The following ENKUR variants were observed in gnomAD, a reference collection of about 807,000 sequenced individuals.
ENKUR encodes the protein enkurin, TRPC channel interacting protein, also known as enkurin.
ENKUR carries 19 observed loss-of-function variants against 27.6 expected under a neutral mutation model. That is an observed-to-expected ratio of 0.69 (90% CI 0.48 to 1.01). ENKUR has a LOEUF of 1.01. ENKUR is among the 50% of genes least tolerant of loss of function. The probability of loss-of-function intolerance (pLI) is 0.00; values close to 1 mark genes in which losing one functional copy is unlikely to be tolerated. For synonymous variants in ENKUR, 117 were observed against 96.9 expected (o/e 1.21, Z -1.22); for missense variants, 312 against 310.5 (o/e 1.00, Z -0.04).
At chr10:25,008,806 C>T (rs376544949) in intron 1 of ENKUR, among the ~76,000 whole-genome samples, 10 of 152,136 alleles carry the variant, frequency 6.6e-5, no homozygotes, top group Non-Finnish European at 1.2e-4. Flanking sequence ...CACATGCACA[C>T]GTATGTTTAT....
At chr10:24,986,481 A>G (rs1339943694) in intron 4 of ENKUR, among the ~76,000 whole-genome samples, 1 of 152,242 alleles carries the variant, frequency 6.6e-6, no homozygotes, top group East Asian at 1.9e-4. Flanking sequence ...GAAGCCCTCA[A>G]AAGAATTCTA....
At chr10:25,038,715 C>A (rs1413599730) in intron 2 of ENKUR, among the ~76,000 whole-genome samples, 1 of 152,118 alleles carries the variant, frequency 6.6e-6, no homozygotes, top group Non-Finnish European at 1.5e-5. Context: ...TCCCTACAAC[C>A]CTGTTTTAGG....
chr10:25,054,920 C>T (rs896154166), intron 2 of ENKUR, among the ~76,000 whole-genome samples: 2 of 152,102 alleles, frequency 1.3e-5, no homozygotes, highest in Non-Finnish European at 2.9e-5. Flanking sequence ...AGAGATCTGC[C>T]TGCCTTGGTT....
chr10:24,990,651 G>T, intron 3 of ENKUR, 42 bp from the exon 4 acceptor site: 1 of 1,560,634 alleles, frequency 6.4e-7, no homozygotes, highest in South Asian at 1.2e-5. Flanking sequence ...TATTTTGTAT[G>T]CAATCTTACA....
intron 2 of ENKUR, among the ~76,000 whole-genome samples, chr10:25,054,226 G>C (rs1243510960): frequency 6.6e-6 from 1 of 152,134 alleles, no homozygotes; most frequent in African/African-American, 2.4e-5. Context: ...TTTGAGACCA[G>C]CCTGGCCAAC....
At chr10:25,028,460 A>T (rs1166313022) in intron 2 of ENKUR, among the ~76,000 whole-genome samples, 1 of 151,998 alleles carries the variant, frequency 6.6e-6, no homozygotes. Context: ...CTTGGATCCT[A>T]TTCCCTTCAA....
In ENKUR at chr10:24,984,889, C is replaced by T. The variant is rs1849748486; in HGVS notation, c.611G>A (p.Trp204Ter). 2 of 1,612,464 alleles carry T rather than the reference C, an allele frequency of 1.2e-6. No individual in the cohort carries two copies. Among genetic ancestry groups the T allele is most frequent in the East Asian group, 4.5e-5 (2 of 44,812 alleles). ...EAVLQGLKKN[W>*]EEVHKEFQSL... ...CTGGAATTCTTTATGCACCTCTTCC[C>T]AGTTCTTTTTCAGCCCCTGCAAATG... is the stretch of plus-strand genomic sequence containing the variant. Residue 204 changes from tryptophan to a stop codon, truncating the protein, a stop_gained, in exon 5 of 6, where the codon TGG becomes TAG. Transcript: ENST00000331161. LOFTEE classifies it high-confidence loss of function.
At position 24,982,773 on chromosome 10, in the gene ENKUR, G is replaced by C. The variant is rs964069069; in HGVS notation, c.*1597C>G. Reference sequence around the variant, plus strand: ...GGGAATGTTTCCCTCTGAAGGCTCTGTGAAAGAAAGGCAACAATGTTCATC... The same window carrying C: ...GGGAATGTTTCCCTCTGAAGGCTCTCTGAAAGAAAGGCAACAATGTTCATC... On this transcript the variant is annotated 3_prime_UTR_variant, in exon 6 of 6. Coordinates refer to ENST00000331161, the MANE Select transcript of ENKUR (RefSeq NM_145010.4). 2 of 152,178 alleles carry C rather than the reference G, an allele frequency of 1.3e-5. No homozygotes were observed. Among genetic ancestry groups the C allele is most frequent in the Admixed American group, 1.3e-4 (2 of 15,272 alleles). The allele number at this position is 152,178 out of a possible 1,614,324, so 9.4% of individuals were successfully genotyped here.
chr10:24,997,024 C>T (rs543280586), intron 2 of ENKUR, among the ~76,000 whole-genome samples: 109 of 152,252 alleles, frequency 7.2e-4, no homozygotes, highest in Middle Eastern at 6.8e-3. Context: ...GAAAAGATAA[C>T]CATCTACAAG....
chr10:24,990,582 A>G lies in ENKUR; in HGVS notation c.475T>C (p.Cys159Arg), dbSNP rs1211560084. Residue 159 changes from cysteine to arginine, a missense_variant, in exon 4 of 6, where the codon TGT becomes CGT. Physicochemically the swap from Cys to Arg is radical, Grantham distance 180 (BLOSUM62 -3). Coordinates refer to ENST00000331161, the MANE Select transcript of ENKUR (RefSeq NM_145010.4). ...TTCTTTATTTCCTCGTTTCGCTTAC[A>G]TATGTATTCAGGTGTGACACCATAA... ...KDYGVTPEYI[C>R]KRNEEIKKAQ... 8.7e-6 allele frequency: 14 copies of G among 1,612,106 alleles called. No homozygotes were observed. The highest frequency in any genetic ancestry group is 2.2e-5 in the East Asian group (1 of 44,878).
Position 24,982,089 on chromosome 10 carries a change from G to A in ENKUR, c.*2281C>T, listed in dbSNP as rs1278413350. ...GAATGCAGATGAAAATGTATACAGT[G>A]TCTTCTCCCCCATAAGCTTGAAATG... is the stretch of plus-strand genomic sequence containing the variant. On this transcript the variant is annotated 3_prime_UTR_variant, in exon 6 of 6. Transcript: ENST00000331161. 1 of 152,196 alleles carries A rather than the reference G, an allele frequency of 6.6e-6. No homozygotes were observed. The highest frequency in any genetic ancestry group is 2.4e-5 in the African/African-American group (1 of 41,436). The allele number at this position is 152,196 out of a possible 1,614,324, so 9.4% of individuals were successfully genotyped here. A position where few individuals can be genotyped will look rare whatever the true frequency, so the allele number is the denominator to read the frequency against.
At chr10:25,033,616 T>C (rs958201373) in intron 2 of ENKUR, among the ~76,000 whole-genome samples, 14 of 152,082 alleles carry the variant, frequency 9.2e-5, no homozygotes, top group Admixed American at 4.6e-4. Context: ...TTCAAAAATA[T>C]TGGAATAGGT....
rs140461344 is a variant in ENKUR, at chr10:25,015,651, C to CA, written c.77+208dup. On this transcript the variant is annotated intron_variant, in intron 1 of 5. Coordinates refer to ENST00000331161, the MANE Select transcript of ENKUR (RefSeq NM_145010.4). ...GTAATATAATAAAATGGTCATCTCA[C>CA]AGCGCCAGACTGCCCTCTCTGTAAA... Among the ~76,000 whole-genome samples the CA allele has an allele frequency of 4.3e-4, 65 of 152,304 alleles. 1 individual carries two copies. The East Asian group carries it at 0.01, about 24-fold the overall frequency.
chr10:25,015,952 CCT>C lies in ENKUR; in HGVS notation c.-18_-17del. ...TTGGATCCATGGCCACCAAATGACT[CCT>C]TAAAAGCTACTCTCCACAACTTTTT... On this transcript the variant is annotated 5_prime_UTR_variant, in exon 1 of 6. Coordinates refer to ENST00000331161, the MANE Select transcript of ENKUR (RefSeq NM_145010.4). 1 of 1,601,868 alleles carries C rather than the reference CCT, an allele frequency of 6.2e-7. No homozygotes were observed. The highest frequency in any genetic ancestry group is 8.5e-7 in the Non-Finnish European group (1 of 1,173,934).
At chr10:25,057,380 TACACACAC>T (rs139515865) in intron 2 of ENKUR, among the ~76,000 whole-genome samples, 5,945 of 117,740 alleles carry the variant, frequency 0.05, 123 homozygotes, top group Non-Finnish European at 0.056. Context: ...TGCACTTTGG[TACACACAC>T]ACACACACAC....
intron 2 of ENKUR, chr10:25,024,014 G>A: frequency 6.2e-7 from 1 of 1,614,216 alleles, no homozygotes; most frequent in Non-Finnish European, 8.5e-7. Context: ...TCTGATGGTG[G>A]CCTCTTTGTT....
At chr10:24,989,926 T>TA (rs147439977) in intron 4 of ENKUR, among the ~76,000 whole-genome samples, 1,659 of 152,230 alleles carry the variant, frequency 0.011, 34 homozygotes, top group African/African-American at 0.038. Context: ...AGCCCTGCAT[T>TA]AAAAAATCCA....
chr10:24,998,339 C>T (rs2132692963), intron 2 of ENKUR, among the ~76,000 whole-genome samples: 1 of 130,920 alleles, frequency 7.6e-6, no homozygotes, highest in South Asian at 3.1e-4. Flanking sequence ...CCTTCCCTCT[C>T]TCCCTCCCTT....
At chr10:25,061,484 C>T (rs1289559106) in intron 1 of ENKUR, 2 of 251,744 alleles carry the variant, frequency 7.9e-6, no homozygotes, top group Non-Finnish European at 1.5e-5. Flanking sequence ...CCCGCCACCA[C>T]CATTTCTATT....
Sources: allele counts gnomAD v4.1 joint callset (sites outside exome capture counted in the v4.1 genomes callset), GRCh38; gene constraint gnomAD v4.1.1; transcripts MANE v1.5; gene names NCBI Gene and HGNC (gene_info 2026-07-23, HGNC 2026-07-21).